Variants in KCNMA1 observed in about 807,000 individuals in gnomAD.
KCNMA1 encodes potassium calcium-activated channel subfamily M alpha 1.
KCNMA1 carries 29 observed loss-of-function variants against 140.0 expected under a neutral mutation model. The observed-to-expected ratio is 0.21, with a 90% CI of 0.15 to 0.28. The LOEUF is 0.28. KCNMA1 is among the 10% of genes least tolerant of loss of function. The pLI is 1.00. For synonymous variants in KCNMA1, 612 were observed against 611.9 expected (o/e 1.00, Z 0.00); for missense variants, 880 against 1,602.2 (o/e 0.55, Z 7.70).
intron 1 of KCNMA1, among the ~76,000 whole-genome samples, chr10:77,577,910 T>G (rs898377727): frequency 4.6e-5 from 7 of 152,224 alleles, no homozygotes; most frequent in Non-Finnish European, 7.3e-5. Context: ...CCAAATCCTC[T>G]GCAGGTACCT....
At chr10:77,516,236 T>G (rs532470211) in intron 1 of KCNMA1, among the ~76,000 whole-genome samples, 1 of 145,606 alleles carries the variant, frequency 6.9e-6, no homozygotes, top group African/African-American at 2.6e-5. Context: ...CCATCCTTCC[T>G]GGGTCTTGGC....
chr10:77,322,839 G>A (rs1288202884), intron 2 of KCNMA1, among the ~76,000 whole-genome samples: 1 of 152,088 alleles, frequency 6.6e-6, no homozygotes, highest in Admixed American at 6.5e-5. Flanking sequence ...TGACATATTA[G>A]CAAGCATCCC....
chr10:77,545,976 G>A (rs1179924065), intron 1 of KCNMA1, among the ~76,000 whole-genome samples: 9 of 152,050 alleles, frequency 5.9e-5, no homozygotes, highest in African/African-American at 1.4e-4. Context: ...GCACAGGCAC[G>A]GCTCTTCACT....
rs142037114 is a variant in KCNMA1 at position 77,451,694 on chromosome 10, AATCAC to A, written c.379-47676_379-47672del. ...GAGTAGGCAGTCTATGCAACATGTG[AATCAC>A]ATGTTCAAGCACCTGCCTCACCTGT... On this transcript the variant is annotated intron_variant, in intron 1 of 27. Coordinates refer to ENST00000286628, the MANE Select transcript of KCNMA1 (RefSeq NM_001161352.2). 8.3e-3 allele frequency among the ~76,000 whole-genome samples: 1,260 copies of A among 152,198 alleles called. 8 individuals carry two copies. The highest frequency in any genetic ancestry group is 0.013 in the Non-Finnish European group (917 of 68,002).
chr10:76,981,562 G>A (rs2079446724), intron 19 of KCNMA1, among the ~76,000 whole-genome samples: 1 of 152,084 alleles, frequency 6.6e-6, no homozygotes, highest in African/African-American at 2.4e-5. Flanking sequence ...AGACACATGG[G>A]AGACAGAAGA....
intron 5 of KCNMA1, among the ~76,000 whole-genome samples, chr10:77,122,941 G>A (rs2097648755): frequency 1.3e-5 from 2 of 152,006 alleles, no homozygotes; most frequent in South Asian, 4.1e-4. Context: ...CACTTTGGGA[G>A]GCCGAGGCGG....
At chr10:77,633,449 T>C (rs1014428230) in intron 1 of KCNMA1, among the ~76,000 whole-genome samples, 19 of 151,996 alleles carry the variant, frequency 1.3e-4, no homozygotes, top group African/African-American at 4.4e-4. Context: ...CCCCAAGTGA[T>C]CTGCTCAAAA....
intron 2 of KCNMA1, among the ~76,000 whole-genome samples, chr10:77,364,094 CTTCA>C (rs776373224): frequency 1.6e-4 from 24 of 152,184 alleles, no homozygotes; most frequent in Admixed American, 4.6e-4. Flanking sequence ...CAATGTCTGA[CTTCA>C]TTCAATCACT....
exon 28 of KCNMA1, chr10:76,871,557 T>C (rs1311702179): frequency 6.6e-6 from 1 of 152,250 alleles, no homozygotes; most frequent in Non-Finnish European, 1.5e-5. Flanking sequence ...CTTTCCAATA[T>C]ATGTGTGCCT....
chr10:77,534,313 G>T (rs182806775), intron 1 of KCNMA1, among the ~76,000 whole-genome samples: 147 of 152,274 alleles, frequency 9.7e-4, no homozygotes, highest in Middle Eastern at 3.4e-3. Context: ...GTTTACATAG[G>T]AGATGTTTGT....
At chr10:76,945,192 T>G (rs2063578570) in intron 22 of KCNMA1, among the ~76,000 whole-genome samples, 1 of 152,214 alleles carries the variant, frequency 6.6e-6, no homozygotes, top group Non-Finnish European at 1.5e-5. Context: ...GGGTAGTCGG[T>G]GCTGATGGCA....
At chr10:77,426,037 C>A (rs1234315105) in intron 1 of KCNMA1, among the ~76,000 whole-genome samples, 3 of 152,132 alleles carry the variant, frequency 2.0e-5, no homozygotes, top group African/African-American at 7.2e-5. Flanking sequence ...GACTACACAG[C>A]CAGAATAATC....
At chr10:76,940,245 G>T (rs1045642528) in intron 23 of KCNMA1, among the ~76,000 whole-genome samples, 1 of 152,206 alleles carries the variant, frequency 6.6e-6, no homozygotes, top group African/African-American at 2.4e-5. Flanking sequence ...TTTTCAGAAA[G>T]TGTCTGGTCC....
chr10:77,461,014 G>A (rs1203645982), intron 1 of KCNMA1, among the ~76,000 whole-genome samples: 1 of 152,090 alleles, frequency 6.6e-6, no homozygotes, highest in Non-Finnish European at 1.5e-5. Context: ...GCTGAGGCAG[G>A]AGAATTACTT....
intron 1 of KCNMA1, among the ~76,000 whole-genome samples, chr10:77,527,698 AAAG>A (rs1341596146): frequency 1.1e-4 from 17 of 152,298 alleles, no homozygotes; most frequent in Non-Finnish European, 2.5e-4. Context: ...AAAGAGAAAG[AAAG>A]AGAGAGAGCG....
intron 24 of KCNMA1, chr10:76,911,906 T>C (rs1400064024): frequency 1.3e-5 from 2 of 152,212 alleles, no homozygotes; most frequent in Non-Finnish European, 2.9e-5. Context: ...CAATGGTGTG[T>C]GTGGCAATGC....
intron 2 of KCNMA1, among the ~76,000 whole-genome samples, chr10:77,400,673 A>C (rs1812264921): frequency 1.3e-5 from 2 of 152,190 alleles, no homozygotes; most frequent in Admixed American, 6.5e-5. Context: ...GATTTTCTCA[A>C]CTGTAAAACA....
intron 2 of KCNMA1, among the ~76,000 whole-genome samples, chr10:77,274,694 C>T (rs1015371567): frequency 9.9e-5 from 15 of 152,162 alleles, no homozygotes; most frequent in African/African-American, 2.9e-4. Flanking sequence ...TGGCTAACCC[C>T]GACTCCATTT....
At chr10:77,261,512 G>A (rs900056981) in intron 2 of KCNMA1, among the ~76,000 whole-genome samples, 1 of 152,092 alleles carries the variant, frequency 6.6e-6, no homozygotes, top group Non-Finnish European at 1.5e-5. Flanking sequence ...TGTTGATGAT[G>A]TTCATCTCAT....
Sources: gnomAD v4.1 joint callset for allele counts (sites outside exome capture counted in the v4.1 genomes callset) on GRCh38, gnomAD v4.1.1 for gene constraint, MANE v1.5 for transcripts, NCBI Gene and HGNC (gene_info 2026-07-23, HGNC 2026-07-21) for gene names.